Variants in LYRM4 observed in about 807,000 individuals in gnomAD.
LYRM4 encodes LYR motif containing 4, also known as LYR motif-containing protein 4.
LYRM4 carries 9 observed loss-of-function variants against 11.7 expected under a neutral mutation model. The observed-to-expected ratio is 0.77, with a 90% CI of 0.46 to 1.34. LYRM4 has a LOEUF of 1.34. LYRM4 is among the 40% of genes most tolerant of loss of function. The probability of loss-of-function intolerance (pLI) is 0.00; values close to 1 mark genes in which losing one functional copy is unlikely to be tolerated. For missense variants in LYRM4, 133 were observed against 112.5 expected, an observed-to-expected ratio of 1.18 and a Z score of -0.82; for synonymous variants, 42 against 40.4, an observed-to-expected ratio of 1.04 and a Z score of -0.15.
At chr6:5,216,328 C>T (rs1401561908) in intron 2 of LYRM4, among the ~76,000 whole-genome samples, 2 of 152,144 alleles carry the variant, frequency 1.3e-5, no homozygotes, top group African/African-American at 2.4e-5. Context: ...ATACATCTTA[C>T]AAAAACTTAG....
At chr6:5,260,427 T>G (rs1047643429) in intron 1 of LYRM4, among the ~76,000 whole-genome samples, 1 of 152,230 alleles carries the variant, frequency 6.6e-6, no homozygotes, top group African/African-American at 2.4e-5. Flanking sequence ...TCACAAGACA[T>G]GAACGTCTCC....
chr6:5,238,333 TC>T (rs1022858000), intron 1 of LYRM4, among the ~76,000 whole-genome samples: 14 of 152,314 alleles, frequency 9.2e-5, no homozygotes, highest in African/African-American at 3.1e-4. Context: ...CACAGGGCAG[TC>T]CAAGTAAATT....
At chr6:5,095,849 T>A in the LYRM4 span, among the ~76,000 whole-genome samples, 8 of 152,114 alleles carry the variant, frequency 5.3e-5, no homozygotes, top group Non-Finnish European at 1.0e-4. Context: ...GCGTGGTGGC[T>A]CACCCCTGCC....
chr6:5,233,706 G>C (rs1763374364), intron 1 of LYRM4, among the ~76,000 whole-genome samples: 1 of 152,182 alleles, frequency 6.6e-6, no homozygotes, highest in Admixed American at 6.5e-5. Flanking sequence ...CAACTCCTGG[G>C]TGCAACTGAT....
the LYRM4 span, chr6:5,085,944 G>A: frequency 6.4e-5 from 98 of 1,526,726 alleles, no homozygotes; most frequent in Non-Finnish European, 8.4e-5. Flanking sequence ...AGGCGGAGGA[G>A]CCGCAGGTGC....
chr6:5,075,728 A>G, the LYRM4 span, among the ~76,000 whole-genome samples: 3,321 of 152,342 alleles, frequency 0.022, 63 homozygotes, highest in African/African-American at 0.054. Flanking sequence ...TGCTTTTTAA[A>G]AAATTCTTAT....
At chr6:5,216,515 C>A (rs995078172) in intron 2 of LYRM4, 103 bp downstream of exon 2, 2 of 1,312,638 alleles carry the variant, frequency 1.5e-6, no homozygotes, top group African/African-American at 2.9e-5. Context: ...CATGATCCTG[C>A]TCTGTAAATC....
In LYRM4 at chr6:5,160,445, G is replaced by A. The variant is rs1053093009; in HGVS notation, c.208-50954C>T. Among the ~76,000 whole-genome samples, 31 of 152,178 alleles carry A rather than the reference G, an allele frequency of 2.0e-4. 3 individuals carry two copies. Among genetic ancestry groups the A allele is most frequent in the African/African-American group, 7.2e-4 (30 of 41,504 alleles). ...CCTGGTGGGAGGTAATTGAATCATG[G>A]GGGCGGGTCTTTTCCGTGCTGTTCT... On this transcript the variant is annotated intron_variant, in intron 2 of 2. Coordinates refer to ENST00000330636, the MANE Select transcript of LYRM4 (RefSeq NM_020408.6).
intron 1 of LYRM4, among the ~76,000 whole-genome samples, chr6:5,245,633 T>G (rs931561882): frequency 3.3e-5 from 5 of 152,204 alleles, no homozygotes; most frequent in African/African-American, 9.6e-5. Flanking sequence ...CTGACAGTAC[T>G]GAGCAAAAGC....
chr6:5,114,520 G>T (rs1763032829), intron 2 of LYRM4, among the ~76,000 whole-genome samples: 1 of 152,144 alleles, frequency 6.6e-6, no homozygotes, highest in African/African-American at 2.4e-5. Context: ...CGTGGCAAGT[G>T]GAAAAAATGT....
the LYRM4 span, chr6:5,043,400 T>G: frequency 6.6e-6 from 1 of 152,156 alleles, no homozygotes; most frequent in Non-Finnish European, 1.5e-5. Context: ...TCCTTATACT[T>G]CAATTTTTGT....
chr6:5,092,816 A>G, the LYRM4 span, among the ~76,000 whole-genome samples: 1 of 152,300 alleles, frequency 6.6e-6, no homozygotes, highest in South Asian at 2.1e-4. Flanking sequence ...AGTCGTGTTT[A>G]TGTGCACAGA....
the LYRM4 span, among the ~76,000 whole-genome samples, chr6:5,056,829 A>G: frequency 6.6e-6 from 1 of 152,212 alleles, no homozygotes; most frequent in African/African-American, 2.4e-5. Flanking sequence ...CCCAAGTCTG[A>G]ATATTTATAG....
At position 5,219,908 on chromosome 6, in the gene LYRM4, C is replaced by T. The variant is rs144640410; in HGVS notation, c.87-3170G>A. Among the ~76,000 whole-genome samples the T allele has an allele frequency of 9.0e-3, 1,372 of 152,230 alleles. 13 individuals carry two copies. Among genetic ancestry groups the T allele is most frequent in the African/African-American group, 0.031 (1,303 of 41,526 alleles). On this transcript the variant is annotated intron_variant, in intron 1 of 2. Coordinates refer to ENST00000330636, the MANE Select transcript of LYRM4 (RefSeq NM_020408.6). ...TCTGAAATACGGCATGAAAAACTAA[C>T]GCAGAAAGGGCAACACAACCAAATA...
At chr6:5,141,742 A>C (rs1757419595) in intron 2 of LYRM4, among the ~76,000 whole-genome samples, 2 of 151,910 alleles carry the variant, frequency 1.3e-5, no homozygotes, top group Non-Finnish European at 2.9e-5. Context: ...CCAAACTTTT[A>C]CCCCCCCACC....
At chr6:5,035,245 C>T in the LYRM4 span, among the ~76,000 whole-genome samples, 2 of 152,154 alleles carry the variant, frequency 1.3e-5, no homozygotes, top group African/African-American at 4.8e-5. Flanking sequence ...CTACCCTTAC[C>T]CTGGGGGGTC....
intron 2 of LYRM4, among the ~76,000 whole-genome samples, chr6:5,193,575 G>A (rs1760886729): frequency 1.3e-5 from 2 of 152,216 alleles, no homozygotes; most frequent in African/African-American, 4.8e-5. Flanking sequence ...AGAAGTCAGA[G>A]GGAGAGTAAA....
At chr6:5,212,849 G>A (rs1200699457) in intron 2 of LYRM4, among the ~76,000 whole-genome samples, 1 of 152,132 alleles carries the variant, frequency 6.6e-6, no homozygotes, top group Non-Finnish European at 1.5e-5. Flanking sequence ...TACTGAGTGG[G>A]CCATAATCAT....
chr6:5,046,115 T>C, the LYRM4 span, among the ~76,000 whole-genome samples: 1 of 152,122 alleles, frequency 6.6e-6, no homozygotes, highest in Non-Finnish European at 1.5e-5. Context: ...CCACAGCTTT[T>C]TTAAGGAAAA....
Sources: allele counts gnomAD v4.1 joint callset (sites outside exome capture counted in the v4.1 genomes callset), GRCh38; gene constraint gnomAD v4.1.1; transcripts MANE v1.5; gene names NCBI Gene and HGNC (gene_info 2026-07-23, HGNC 2026-07-21).